The following DCC variants were observed in gnomAD, a reference collection of about 807,000 sequenced individuals.
DCC encodes DCC netrin 1 receptor, also known as netrin receptor DCC.
A neutral mutation model predicts 172.5 loss-of-function variants in DCC; 58 were observed. The observed-to-expected ratio is 0.34, with a 90% CI of 0.27 to 0.42. DCC has a LOEUF of 0.42. Ranked by LOEUF, DCC falls within the 10% of genes least tolerant of loss-of-function variation. The probability of loss-of-function intolerance (pLI) is 1.00; values close to 1 mark genes in which losing one functional copy is unlikely to be tolerated. For synonymous variants in DCC, 709 were observed against 644.5 expected, an observed-to-expected ratio of 1.10 and a Z score of -1.52; for missense variants, 1,740 against 1,791.0, an observed-to-expected ratio of 0.97 and a Z score of 0.51.
intron 1 of DCC, among the ~76,000 whole-genome samples, chr18:52,669,271 C>T (rs2035509589): frequency 6.6e-6 from 1 of 152,184 alleles, no homozygotes; most frequent in African/African-American, 2.4e-5. Context: ...ATATCTCAAG[C>T]ACTGATTTTG....
intron 1 of DCC, among the ~76,000 whole-genome samples, chr18:52,634,172 T>A (rs1003359495): frequency 6.6e-6 from 1 of 152,256 alleles, no homozygotes; most frequent in Non-Finnish European, 1.5e-5. Flanking sequence ...AACTGATGTG[T>A]CTGCCAAGGC....
At chr18:52,722,592 C>T (rs2036489164) in intron 1 of DCC, among the ~76,000 whole-genome samples, 1 of 152,168 alleles carries the variant, frequency 6.6e-6, no homozygotes, top group African/African-American at 2.4e-5. Flanking sequence ...TCATCATCTG[C>T]CTATTCGACT....
chr18:53,388,043 A>G (rs1481954657), intron 16 of DCC, among the ~76,000 whole-genome samples: 3 of 152,352 alleles, frequency 2.0e-5, no homozygotes, highest in South Asian at 2.1e-4. Context: ...GACATTCCCA[A>G]GGTGGTTTCA....
At chr18:52,726,323 C>G (rs2036551542) in intron 1 of DCC, among the ~76,000 whole-genome samples, 1 of 152,136 alleles carries the variant, frequency 6.6e-6, no homozygotes. Context: ...AGCAATTTGC[C>G]TCCTCCTGGA....
chr18:53,465,296 T>G (rs1715530544), intron 24 of DCC, among the ~76,000 whole-genome samples: 1 of 152,114 alleles, frequency 6.6e-6, no homozygotes, highest in African/African-American at 2.4e-5. Flanking sequence ...TCATTTTCCT[T>G]CATTGGACAA....
intron 1 of DCC, among the ~76,000 whole-genome samples, chr18:52,729,826 A>G (rs2036609408): frequency 6.9e-6 from 1 of 145,248 alleles, no homozygotes; most frequent in Non-Finnish European, 1.5e-5. Context: ...GTAGAACCAC[A>G]GAACACTAGA....
At chr18:53,274,931 G>A (rs1047345785) in intron 12 of DCC, among the ~76,000 whole-genome samples, 4 of 152,096 alleles carry the variant, frequency 2.6e-5, no homozygotes, top group African/African-American at 4.8e-5. Flanking sequence ...GAAGCACTGA[G>A]CCTCAGACAG....
chr18:52,713,685 C>T (rs758187495), intron 1 of DCC, among the ~76,000 whole-genome samples: 17 of 152,068 alleles, frequency 1.1e-4, no homozygotes, highest in Non-Finnish European at 1.9e-4. Flanking sequence ...CCTCCTTAGG[C>T]AAGTTTTGAA....
chr18:53,292,092 T>A (rs373838645), intron 12 of DCC, among the ~76,000 whole-genome samples: 1 of 144,848 alleles, frequency 6.9e-6, no homozygotes, highest in Non-Finnish European at 1.5e-5. Context: ...TCTTTTCATG[T>A]CTTTTTATTC....
At chr18:52,959,349 A>G (rs2040801584) in intron 5 of DCC, among the ~76,000 whole-genome samples, 1 of 152,154 alleles carries the variant, frequency 6.6e-6, no homozygotes, top group Non-Finnish European at 1.5e-5. Flanking sequence ...ACTCAAATTT[A>G]TAAGTGATGG....
intron 5 of DCC, among the ~76,000 whole-genome samples, chr18:53,005,597 G>A (rs2041632061): frequency 6.6e-6 from 1 of 152,106 alleles, no homozygotes; most frequent in Non-Finnish European, 1.5e-5. Flanking sequence ...GCAAAGTGGT[G>A]CGTGCCTACA....
At chr18:53,075,639 T>A (rs1652198830) in intron 7 of DCC, among the ~76,000 whole-genome samples, 1 of 152,148 alleles carries the variant, frequency 6.6e-6, no homozygotes, top group South Asian at 2.1e-4. Flanking sequence ...ACTTTGAATT[T>A]GTTATATTTT....
rs1411969330 is a variant in DCC, at chr18:53,351,346, T to C, written c.2359+11439T>C. On this transcript the variant is annotated intron_variant, in intron 15 of 28. Transcript: ENST00000442544. ...TATATATATATACAGTGTATATATA[T>C]ATACACAGTATATATATATACTGTA... Among the ~76,000 whole-genome samples, 3 of 83,948 alleles carry C rather than the reference T, an allele frequency of 3.6e-5. No homozygotes were observed. The East Asian group carries it at 7.6e-4, about 21-fold the overall frequency. The allele number at this position is 83,948 out of a possible 152,430, so 55.1% of individuals were successfully genotyped here. A position where few individuals can be genotyped will look rare whatever the true frequency, so the allele number is the denominator to read the frequency against.
intron 5 of DCC, among the ~76,000 whole-genome samples, chr18:52,981,114 C>T (rs1048715515): frequency 7.2e-5 from 11 of 152,004 alleles, no homozygotes; most frequent in Non-Finnish European, 1.5e-4. Context: ...TCAAACATTC[C>T]TTGAAAATAT....
chr18:53,069,929 G>C (rs1002513946), intron 7 of DCC, among the ~76,000 whole-genome samples: 2 of 151,314 alleles, frequency 1.3e-5, no homozygotes, highest in Middle Eastern at 3.2e-3. Flanking sequence ...GTTGGGGGGG[G>C]TTGTTATTGT....
chr18:53,115,975 G>C (rs530473316), intron 7 of DCC, among the ~76,000 whole-genome samples: 3 of 151,474 alleles, frequency 2.0e-5, no homozygotes, highest in East Asian at 3.9e-4. Flanking sequence ...GGGGTTGAGG[G>C]GGGTGCTGTG....
intron 7 of DCC, among the ~76,000 whole-genome samples, chr18:53,117,247 A>C (rs919042025): frequency 6.6e-6 from 1 of 151,752 alleles, no homozygotes; most frequent in African/African-American, 2.4e-5. Context: ...ATAATACTGC[A>C]CTGTAAGAAA....
At chr18:53,502,942 T>TATCA (rs1290698731) in intron 27 of DCC, among the ~76,000 whole-genome samples, 1 of 152,110 alleles carries the variant, frequency 6.6e-6, no homozygotes, top group African/African-American at 2.4e-5. Context: ...TTGCTGCACC[T>TATCA]ATCAACCCAT....
At chr18:52,753,396 C>T (rs180743047) in intron 2 of DCC, among the ~76,000 whole-genome samples, 6 of 152,252 alleles carry the variant, frequency 3.9e-5, no homozygotes, top group Non-Finnish European at 4.4e-5. Flanking sequence ...TTAAACAAAA[C>T]TGTTTCAAGT....
Sources: allele counts gnomAD v4.1 joint callset (sites outside exome capture counted in the v4.1 genomes callset), GRCh38; gene constraint gnomAD v4.1.1; transcripts MANE v1.5; gene names NCBI Gene and HGNC (gene_info 2026-07-23, HGNC 2026-07-21).